SLC6A16: variants seen among roughly 807,000 people sequenced by gnomAD.
The protein encoded by SLC6A16 is orphan sodium- and chloride-dependent neurotransmitter transporter NTT5.
SLC6A16 carries 54 observed loss-of-function variants against 65.4 expected under a neutral mutation model. That is an observed-to-expected ratio of 0.83 (90% confidence interval 0.66 to 1.04). The LOEUF (loss-of-function observed/expected upper bound fraction) is 1.04, where lower values mean the gene tolerates loss of function less well. Ranked by LOEUF, SLC6A16 falls within the 50% of genes least tolerant of loss-of-function variation. The pLI, the probability that SLC6A16 is intolerant of heterozygous loss-of-function variation, is 0.00. For missense variants in SLC6A16, 816 were observed against 914.0 expected, an observed-to-expected ratio of 0.89 and a Z score of 1.38; for synonymous variants, 330 against 346.5, an observed-to-expected ratio of 0.95 and a Z score of 0.53.
chr19:49,294,248 G>A, intron 8 of SLC6A16, 119 bp downstream of exon 8: 4 of 1,032,472 alleles, frequency 3.9e-6, no homozygotes, highest in Non-Finnish European at 5.7e-6. Flanking sequence ...GTATTACTGA[G>A]AGCCACAGAT....
intron 7 of SLC6A16, among the ~76,000 whole-genome samples, chr19:49,304,874 A>G (rs1055933715): frequency 6.6e-6 from 1 of 152,234 alleles, no homozygotes. Flanking sequence ...CAATACAAGT[A>G]TTTGCACGAG....
intron 1 of SLC6A16, among the ~76,000 whole-genome samples, chr19:49,315,232 A>G (rs1970595512): frequency 1.3e-5 from 2 of 152,236 alleles, no homozygotes; most frequent in South Asian, 4.1e-4. Flanking sequence ...TGTTTCAGGA[A>G]GTAAGTAAAT....
chr19:49,312,622 A>C (rs1417947150), intron 1 of SLC6A16: 5 of 965,358 alleles, frequency 5.2e-6, no homozygotes, highest in African/African-American at 1.8e-5. Flanking sequence ...GAAAAAAAAA[A>C]AGTTACATGA....
At chr19:49,329,069 A>T (rs1397276125), upstream of SLC6A16, among the ~76,000 whole-genome samples, 3 of 152,152 alleles carry the variant, frequency 2.0e-5, no homozygotes, top group African/African-American at 7.2e-5. Flanking sequence ...CTGACCCACA[A>T]AAACTACAGT....
chr19:49,296,963 T>G (rs1970198210), intron 7 of SLC6A16, among the ~76,000 whole-genome samples: 1 of 152,174 alleles, frequency 6.6e-6, no homozygotes. Flanking sequence ...CACTCCAGCC[T>G]GGGCAACAGA....
chr19:49,314,552 T>C (rs1373961695), intron 1 of SLC6A16, among the ~76,000 whole-genome samples: 2 of 152,184 alleles, frequency 1.3e-5, no homozygotes, highest in Non-Finnish European at 2.9e-5. Flanking sequence ...AACAAGATGA[T>C]GAAAATTTGA....
At chr19:49,301,595 C>T (rs1970293559) in intron 7 of SLC6A16, among the ~76,000 whole-genome samples, 1 of 152,236 alleles carries the variant, frequency 6.6e-6, no homozygotes. Context: ...CCATTTTCTG[C>T]AGAGGAACCA....
chr19:49,313,625 C>CAAAAAAAAAAAA (rs902187308), intron 1 of SLC6A16, among the ~76,000 whole-genome samples: 10 of 47,310 alleles, frequency 2.1e-4, no homozygotes, highest in Non-Finnish European at 2.5e-4. Context: ...ACTAAAAATG[C>CAAAAAAAAAAAA]AAAAAAAAAA....
In SLC6A16 at chr19:49,294,425, A is replaced by G; in HGVS notation, c.1358T>C (p.Ile453Thr). ...NAWLSGLPQH[I>T]KSMVLREVTE... ...CACCTCGCGGAGAACCATGCTTTTG[A>G]TGTGCTGGGGAAGGCCACTGAGCCA... The change falls in exon 8 of 12, where the codon ATC (isoleucine) becomes ACC (threonine). Residue 453 changes from isoleucine (I) to threonine (T), a missense_variant. Physicochemically the swap from Ile to Thr is moderately conservative, Grantham distance 89. Coordinates refer to ENST00000335875, the MANE Select transcript of SLC6A16 (RefSeq NM_014037.3). 1.2e-6 allele frequency: 2 copies of G among 1,614,086 alleles called. No individual in the cohort carries two copies. Among genetic ancestry groups the G allele is most frequent in the Non-Finnish European group, 1.7e-6 (2 of 1,180,012 alleles).
At chr19:49,332,376 G>A in the SLC6A16 span, 1 of 436,872 alleles carries the variant, frequency 2.3e-6, no homozygotes, top group South Asian at 1.6e-5. Flanking sequence ...CCAAGATGGT[G>A]AAACCCCATC....
chr19:49,330,744 C>G, the SLC6A16 span, among the ~76,000 whole-genome samples: 1 of 152,256 alleles, frequency 6.6e-6, no homozygotes, highest in Non-Finnish European at 1.5e-5. Context: ...GAGTTCAAGA[C>G]CAGCCTGGCC....
chr19:49,320,182 G>A (rs541250094), intron 1 of SLC6A16, among the ~76,000 whole-genome samples: 5 of 152,266 alleles, frequency 3.3e-5, no homozygotes, highest in East Asian at 3.9e-4. Context: ...GCTGAGGTGG[G>A]TGGATCATTT....
the SLC6A16 span, chr19:49,336,532 T>C: frequency 7.4e-5 from 14 of 189,996 alleles, no homozygotes; most frequent in East Asian, 2.0e-3. Flanking sequence ...CACTCCAGCC[T>C]GGGGGACAGA....
Position 49,317,793 on chromosome 19 carries a change from G to A in SLC6A16, c.-64-6382C>T, listed in dbSNP as rs536232499. Among the ~76,000 whole-genome samples, 28 of 151,354 alleles carry A rather than the reference G, an allele frequency of 1.8e-4. No individual in the cohort carries two copies. The South Asian group carries it at 2.7e-3, about 15-fold the overall frequency. The stretch of plus-strand genomic sequence containing the variant: ...TGCACTCCAGCCAGGGCAACACAGC[G>A]AGACTCCGTCTCAAAAAAAAAAAAC... On this transcript the variant is annotated intron_variant, in intron 1 of 11. Coordinates refer to ENST00000335875, the MANE Select transcript of SLC6A16 (RefSeq NM_014037.3).
chr19:49,314,106 AAATCAT>A (rs1555777211), intron 1 of SLC6A16, among the ~76,000 whole-genome samples: 23 of 141,456 alleles, frequency 1.6e-4, no homozygotes, highest in Middle Eastern at 3.6e-3. Flanking sequence ...AAAAAAAAAA[AAATCAT>A]AATCATAATC....
intron 7 of SLC6A16, among the ~76,000 whole-genome samples, chr19:49,301,695 T>C (rs1263130884): frequency 1.3e-5 from 2 of 152,162 alleles, no homozygotes; most frequent in Non-Finnish European, 2.9e-5. Flanking sequence ...TCCAGGTGCC[T>C]GGCCCTCTAA....
At chr19:49,340,195 C>T in the SLC6A16 span, 3 of 1,531,166 alleles carry the variant, frequency 2.0e-6, no homozygotes, top group South Asian at 2.2e-5. Context: ...GTGGGCATCA[C>T]CCCCGTCTCG....
At chr19:49,304,442 TTA>T (rs759257129) in intron 7 of SLC6A16, among the ~76,000 whole-genome samples, 2 of 152,196 alleles carry the variant, frequency 1.3e-5, no homozygotes, top group Non-Finnish European at 2.9e-5. Flanking sequence ...TTCAAAACAA[TTA>T]TGTTATCCTC....
the SLC6A16 span, chr19:49,339,489 G>C: frequency 5.8e-6 from 9 of 1,546,744 alleles, no homozygotes; most frequent in Admixed American, 3.4e-5. The surrounding 1 kb of genome is among the most constrained non-coding windows in gnomAD (Gnocchi z 4.5). Flanking sequence ...GCGTCCTTCG[G>C]TTGCCTGGGA....
Sources: gnomAD v4.1 joint callset for allele counts (sites outside exome capture counted in the v4.1 genomes callset) on GRCh38, gnomAD v4.1.1 for gene constraint, Gnocchi (gnomAD v3.1) non-coding constraint, MANE v1.5 for transcripts, NCBI Gene and HGNC (gene_info 2026-07-23, HGNC 2026-07-21) for gene names.